Variants in STK4 observed in about 807,000 individuals in gnomAD.
STK4 encodes the protein serine/threonine kinase 4.
STK4 carries 30 observed loss-of-function variants against 64.9 expected under a neutral mutation model. The observed-to-expected ratio is 0.46, with a 90% confidence interval of 0.35 to 0.63. The LOEUF (loss-of-function observed/expected upper bound fraction) is 0.63. Ranked by LOEUF, STK4 falls within the 20% of genes least tolerant of loss-of-function variation. STK4 has a pLI of 0.01. For synonymous variants in STK4, 177 were observed against 199.0 expected, an observed-to-expected ratio of 0.89 and a Z score of 0.93; for missense variants, 466 against 598.5, an observed-to-expected ratio of 0.78 and a Z score of 2.31.
chr20:45,014,618 T>C (rs1439856540), intron 9 of STK4, among the ~76,000 whole-genome samples: 1 of 152,150 alleles, frequency 6.6e-6, no homozygotes, highest in Non-Finnish European at 1.5e-5. Flanking sequence ...AGACTTGTAG[T>C]TTAGCAGTTA....
intron 10 of STK4, chr20:45,053,077 T>G (rs1366868329): frequency 1.2e-6 from 2 of 1,607,470 alleles, no homozygotes; most frequent in Non-Finnish European, 1.7e-6. Flanking sequence ...TTGTGCTCTT[T>G]TCTTTCAGAA....
chr20:44,968,373 G>T (rs536167987), intron 1 of STK4, among the ~76,000 whole-genome samples: 145 of 152,282 alleles, frequency 9.5e-4, no homozygotes, highest in African/African-American at 3.2e-3. Flanking sequence ...TCCTGACCTC[G>T]TGATCCGCCC....
At chr20:45,013,499 A>AT (rs2068089623) in intron 9 of STK4, among the ~76,000 whole-genome samples, 1 of 152,156 alleles carries the variant, frequency 6.6e-6, no homozygotes. Context: ...ATACACATTT[A>AT]TTTTTTAACC....
At chr20:44,994,510 T>A (rs561469755) in intron 5 of STK4, among the ~76,000 whole-genome samples, 30 of 151,728 alleles carry the variant, frequency 2.0e-4, no homozygotes, top group Non-Finnish European at 3.8e-4. Flanking sequence ...CTTTTTAATA[T>A]GGTGTTTCAG....
intron 10 of STK4, among the ~76,000 whole-genome samples, chr20:45,067,466 G>A (rs1489517612): frequency 2.0e-5 from 3 of 152,190 alleles, no homozygotes; most frequent in Non-Finnish European, 4.4e-5. Context: ...TTTGAGGTGA[G>A]AGTTTGTAGT....
intron 10 of STK4, chr20:45,053,191 G>A (rs1171254856): frequency 1.2e-5 from 19 of 1,605,104 alleles, no homozygotes; most frequent in Non-Finnish European, 1.6e-5. Flanking sequence ...GTAAATGAAT[G>A]TCATCTTTGT....
At chr20:45,011,968 T>C (rs552897484) in intron 9 of STK4, among the ~76,000 whole-genome samples, 2 of 151,692 alleles carry the variant, frequency 1.3e-5, no homozygotes, top group African/African-American at 4.8e-5. Context: ...TGCAATAGAT[T>C]TCCCATCCCC....
At chr20:44,991,814 C>A (rs6073592) in intron 5 of STK4, among the ~76,000 whole-genome samples, 8 of 152,068 alleles carry the variant, frequency 5.3e-5, no homozygotes, top group African/African-American at 1.9e-4. Flanking sequence ...AGACGCACAC[C>A]ACCACCCCCA....
rs35447878 is a variant in STK4 at position 45,000,489 on chromosome 20, G to C, written c.929G>C (p.Arg310Pro). Reference sequence around the variant, plus strand: ...CTGAAACGCCAGGAATCCCAGCAGCGGGAAGTGGACCAGGACGATGAAGAA... The same window carrying C: ...CTGAAACGCCAGGAATCCCAGCAGCCGGAAGTGGACCAGGACGATGAAGAA... ...VKLKRQESQQ[R>P]EVDQDDEENS... Residue 310 changes from arginine (R) to proline (P), a missense_variant, in exon 8 of 11, where the codon CGG becomes CCG. By Grantham distance (103) the Arg-to-Pro change is moderately radical. This residue lies in a region of STK4 where 276 missense variants were observed against 308.9 expected (regional missense o/e 0.89). Coordinates refer to ENST00000372806, the MANE Select transcript of STK4 (RefSeq NM_006282.5). The C allele has an allele frequency of 1.2e-6, 2 of 1,614,076 alleles. No homozygotes were observed. Among genetic ancestry groups the C allele is most frequent in the Admixed American group, 1.7e-5 (1 of 60,016 alleles).
At chr20:44,989,578 A>C (rs1253085454) in intron 5 of STK4, among the ~76,000 whole-genome samples, 1 of 152,118 alleles carries the variant, frequency 6.6e-6, no homozygotes, top group Non-Finnish European at 1.5e-5. Context: ...TTGAAATACA[A>C]AATTTTTAAA....
chr20:44,980,181 A>G (rs2067412870), intron 3 of STK4, among the ~76,000 whole-genome samples: 1 of 152,234 alleles, frequency 6.6e-6, no homozygotes, highest in Non-Finnish European at 1.5e-5. Context: ...CTTGATAGTA[A>G]TGGCCTACAG....
chr20:44,995,207 A>G lies in STK4; in HGVS notation c.643A>G (p.Ile215Val), dbSNP rs912491141. Residue 215 changes from isoleucine to valine, a missense_variant, in exon 6 of 11, where the codon ATA becomes GTA. Physicochemically the swap from Ile to Val is conservative, Grantham distance 29. Coordinates refer to ENST00000372806, the MANE Select transcript of STK4 (RefSeq NM_006282.5). ...ADIWSLGITAIEMAEGKPPYA... is the reference protein window; with the variant it reads ...ADIWSLGITAVEMAEGKPPYA... ...CATCTGGTCCCTGGGAATAACTGCC[A>G]TAGAAATGGCTGAAGGAAAGCCCCC... 2.5e-6 allele frequency: 4 copies of G among 1,613,764 alleles called. No individual in the cohort carries two copies. The highest frequency in any genetic ancestry group is 4.5e-5 in the East Asian group (2 of 44,872).
At position 45,007,592 on chromosome 20, in the gene STK4, T is replaced by C. The variant is rs529034628; in HGVS notation, c.1147+6239T>C. ...AAAGAAAGCACTTCAGAGTCTATGC[T>C]CTCTTCATTCCACAGAGCTTCTGAT... On this transcript the variant is annotated intron_variant, in intron 9 of 10. Coordinates refer to ENST00000372806, the MANE Select transcript of STK4 (RefSeq NM_006282.5). Among the ~76,000 whole-genome samples the C allele has an allele frequency of 3.9e-5, 6 of 151,978 alleles. No individual in the cohort carries two copies. In the South Asian group the frequency reaches 6.2e-4, roughly 16 times the overall value.
chr20:45,013,064 A>G (rs550650969), intron 9 of STK4, among the ~76,000 whole-genome samples: 1 of 146,016 alleles, frequency 6.8e-6, no homozygotes, highest in Admixed American at 7.1e-5. Context: ...CTCCCAAAGT[A>G]CTGGGATTAC....
At chr20:45,059,802 T>C (rs1176307265) in intron 10 of STK4, among the ~76,000 whole-genome samples, 1 of 152,196 alleles carries the variant, frequency 6.6e-6, no homozygotes, top group East Asian at 1.9e-4. Flanking sequence ...TCCTTGTAAT[T>C]TTATTGCAAG....
At position 45,000,428 on chromosome 20, in the gene STK4, C is replaced by G; in HGVS notation, c.868C>G (p.Leu290Val). ...FVRSAKGVSI[L>V]RDLINEAMDV... is the part of the protein sequence containing the mutation. ...CAGGAGTGCCAAAGGAGTGTCAATA[C>G]TGCGAGACTTAATTAATGAAGCCAT... Residue 290 changes from leucine (L) to valine (V), a missense_variant, in exon 8 of 11, where the codon CTG (leucine) becomes GTG (valine). Physicochemically the swap from Leu to Val is conservative, Grantham distance 32. Coordinates refer to ENST00000372806, the MANE Select transcript of STK4 (RefSeq NM_006282.5). 6.2e-7 allele frequency: 1 copy of G among 1,614,052 alleles called. No individual in the cohort carries two copies. Among genetic ancestry groups the G allele is most frequent in the South Asian group, 1.1e-5 (1 of 91,080 alleles).
chr20:45,070,688 C>A (rs1979979636), intron 10 of STK4, among the ~76,000 whole-genome samples: 1 of 152,096 alleles, frequency 6.6e-6, no homozygotes, highest in Admixed American at 6.5e-5. Context: ...GAGTTTGAGA[C>A]CAGCCTGGCC....
intron 9 of STK4, among the ~76,000 whole-genome samples, chr20:45,002,030 C>T (rs2067850986): frequency 6.6e-6 from 1 of 152,190 alleles, no homozygotes; most frequent in African/African-American, 2.4e-5. Context: ...TACAAATTAT[C>T]AACTAAATGC....
chr20:45,055,439 A>G (rs991629814), intron 10 of STK4, among the ~76,000 whole-genome samples: 1 of 152,090 alleles, frequency 6.6e-6, no homozygotes, highest in African/African-American at 2.4e-5. Context: ...TAAAATTTGC[A>G]GTATCTGTAT....
Sources: allele counts gnomAD v4.1 joint callset (sites outside exome capture counted in the v4.1 genomes callset), GRCh38; gene constraint gnomAD v4.1.1; regional missense constraint gnomAD v4.1.1; transcripts MANE v1.5; gene names NCBI Gene and HGNC (gene_info 2026-07-23, HGNC 2026-07-21).